Variants in DCDC1 observed in about 807,000 individuals in gnomAD.
The protein encoded by DCDC1 is doublecortin domain containing 1.
A neutral mutation model predicts 178.3 loss-of-function variants in DCDC1; 200 were observed. The ratio of observed to expected loss-of-function variants is 1.12; its 90% CI spans 1.00 to 1.26. The LOEUF (loss-of-function observed/expected upper bound fraction) is 1.26. DCDC1 is among the 50% of genes most tolerant of loss of function. The probability of loss-of-function intolerance (pLI) is 0.00; values close to 1 mark genes in which losing one functional copy is unlikely to be tolerated. For synonymous variants in DCDC1, 690 were observed against 604.8 expected, an observed-to-expected ratio of 1.14 and a Z score of -2.07; for missense variants, 1,983 against 1,749.2, an observed-to-expected ratio of 1.13 and a Z score of -2.38.
chr11:31,213,107 C>CTT (rs1565441853), intron 9 of DCDC1, among the ~76,000 whole-genome samples: 79 of 24,080 alleles, frequency 3.3e-3, no homozygotes, highest in Non-Finnish European at 6.3e-3. Flanking sequence ...CAGCCTCTCT[C>CTT]TCTCTCTCTC....
intron 9 of DCDC1, among the ~76,000 whole-genome samples, chr11:31,151,212 A>T (rs938681260): frequency 5.3e-5 from 8 of 152,252 alleles, no homozygotes; most frequent in Non-Finnish European, 1.2e-4. Context: ...GTCTAACTTC[A>T]GCCGCTTATG....
intron 9 of DCDC1, among the ~76,000 whole-genome samples, chr11:31,179,867 A>C (rs1968548751): frequency 6.6e-6 from 1 of 152,216 alleles, no homozygotes; most frequent in African/African-American, 2.4e-5. Flanking sequence ...TCTCTGAAAA[A>C]CATAGATGCA....
intron 10 of DCDC1, among the ~76,000 whole-genome samples, chr11:31,134,803 T>C (rs1377319988): frequency 2.6e-5 from 4 of 152,202 alleles, no homozygotes; most frequent in African/African-American, 9.7e-5. Context: ...AAGACCAGCC[T>C]GGGCAACATA....
chr11:30,951,926 A>G (rs1948450749), intron 21 of DCDC1, among the ~76,000 whole-genome samples: 1 of 152,190 alleles, frequency 6.6e-6, no homozygotes, highest in African/African-American at 2.4e-5. Flanking sequence ...AATACTTTAG[A>G]CTACAGACAA....
At chr11:31,081,453 C>CA (rs1218561120) in intron 17 of DCDC1, among the ~76,000 whole-genome samples, 2 of 151,718 alleles carry the variant, frequency 1.3e-5, no homozygotes, top group Non-Finnish European at 2.9e-5. Flanking sequence ...ACTAAAAATA[C>CA]AAAAAAATTA....
intron 9 of DCDC1, among the ~76,000 whole-genome samples, chr11:31,160,503 T>C (rs746042125): frequency 2.6e-5 from 4 of 152,194 alleles, no homozygotes; most frequent in Non-Finnish European, 5.9e-5. Flanking sequence ...TGGAATACAA[T>C]TATAATGAAA....
chr11:31,136,836 G>A (rs1290091066), intron 10 of DCDC1, among the ~76,000 whole-genome samples: 1 of 152,070 alleles, frequency 6.6e-6, no homozygotes, highest in African/African-American at 2.4e-5. Flanking sequence ...TACAGCATGA[G>A]CTTTGAAGAG....
intron 10 of DCDC1, among the ~76,000 whole-genome samples, chr11:31,128,270 G>A (rs889443169): frequency 6.6e-6 from 1 of 151,876 alleles, no homozygotes; most frequent in Non-Finnish European, 1.5e-5. Flanking sequence ...AAAATAAAAC[G>A]TATAGTTTTT....
chr11:30,892,001 C>T (rs1418385922), intron 36 of DCDC1, among the ~76,000 whole-genome samples: 1 of 152,114 alleles, frequency 6.6e-6, no homozygotes, highest in African/African-American at 2.4e-5. Context: ...TTCCACACCC[C>T]CCACCACCAA....
chr11:31,346,463 CAAAAAAAAAAAA>C (rs377761189), intron 1 of DCDC1, among the ~76,000 whole-genome samples: 4 of 83,742 alleles, frequency 4.8e-5, no homozygotes, highest in Non-Finnish European at 7.1e-5. Flanking sequence ...GACTCCGTCT[CAAAAAAAAAAAA>C]AAAAAAAAAA....
chr11:31,081,836 G>A (rs563383516), intron 17 of DCDC1, among the ~76,000 whole-genome samples: 4 of 152,100 alleles, frequency 2.6e-5, no homozygotes, highest in South Asian at 4.2e-4. Context: ...AAATTTTACC[G>A]AAGTTGTAAA....
At chr11:31,192,313 C>G (rs1396576213) in intron 9 of DCDC1, among the ~76,000 whole-genome samples, 1 of 152,084 alleles carries the variant, frequency 6.6e-6, no homozygotes, top group Non-Finnish European at 1.5e-5. Flanking sequence ...TAAAACCCTT[C>G]AAGGAAAAAC....
intron 20 of DCDC1, chr11:30,992,500 C>G (rs1452165103): frequency 6.6e-6 from 1 of 152,204 alleles, no homozygotes; most frequent in East Asian, 1.9e-4. Flanking sequence ...GGACTCCAAG[C>G]TAGGCTGCAG....
intron 20 of DCDC1, among the ~76,000 whole-genome samples, chr11:31,029,403 TTAAAG>T (rs1335996884): frequency 2.6e-5 from 4 of 152,146 alleles, no homozygotes; most frequent in Non-Finnish European, 5.9e-5. Context: ...AAGTGGCTCT[TTAAAG>T]AAAGGTATCT....
At chr11:30,948,425 C>G (rs1948196010) in intron 21 of DCDC1, among the ~76,000 whole-genome samples, 1 of 152,164 alleles carries the variant, frequency 6.6e-6, no homozygotes, top group Non-Finnish European at 1.5e-5. Context: ...AATGGCCATA[C>G]TGCCCAAAGT....
chr11:30,923,080 A>C (rs1271020938), intron 23 of DCDC1, among the ~76,000 whole-genome samples: 1 of 152,070 alleles, frequency 6.6e-6, no homozygotes, highest in East Asian at 1.9e-4. Context: ...AGTAAATTAC[A>C]GATTGGCAAA....
intron 9 of DCDC1, among the ~76,000 whole-genome samples, chr11:31,168,516 A>G (rs1312359713): frequency 6.6e-6 from 1 of 152,216 alleles, no homozygotes; most frequent in African/African-American, 2.4e-5. Flanking sequence ...TGATGCTTAA[A>G]CATACATTTA....
chr11:31,040,082 T>C (rs1954331974), intron 20 of DCDC1, among the ~76,000 whole-genome samples: 1 of 151,838 alleles, frequency 6.6e-6, no homozygotes, highest in Non-Finnish European at 1.5e-5. Context: ...GAAAATAATA[T>C]TGGCTACTGG....
chr11:31,001,509 G>GA (rs554896835), intron 20 of DCDC1, among the ~76,000 whole-genome samples: 19 of 152,204 alleles, frequency 1.2e-4, no homozygotes, highest in Non-Finnish European at 2.5e-4. Context: ...TGAAGAGACA[G>GA]ATGCTGAGCA....
Sources: gnomAD v4.1 joint callset for allele counts (sites outside exome capture counted in the v4.1 genomes callset) on GRCh38, gnomAD v4.1.1 for gene constraint, MANE v1.5 for transcripts, NCBI Gene and HGNC (gene_info 2026-07-23, HGNC 2026-07-21) for gene names.